ACBD5: variants seen among roughly 807,000 people sequenced by gnomAD.
ACBD5 encodes the protein acyl-CoA-binding domain-containing protein 5.
A neutral mutation model predicts 71.8 loss-of-function variants in ACBD5; 40 were observed. That is an observed-to-expected ratio of 0.56 (90% CI 0.43 to 0.72). The LOEUF (loss-of-function observed/expected upper bound fraction) is 0.72, where lower values mean the gene tolerates loss of function less well. ACBD5 is among the 30% of genes least tolerant of loss of function. The probability of loss-of-function intolerance (pLI) is 0.00; values close to 1 mark genes in which losing one functional copy is unlikely to be tolerated. For synonymous variants in ACBD5, 229 were observed against 218.6 expected (o/e 1.05, Z -0.42); for missense variants, 559 against 644.5 (o/e 0.87, Z 1.44).
At chr10:27,214,599 T>C (rs935160924) in intron 8 of ACBD5, among the ~76,000 whole-genome samples, 1 of 151,886 alleles carries the variant, frequency 6.6e-6, no homozygotes, top group Admixed American at 6.6e-5. Flanking sequence ...TCAGAAAAAG[T>C]TGAGAAAAAG....
chr10:27,196,457 A>G lies in ACBD5; in HGVS notation c.*973T>C, dbSNP rs1426505019. The G allele has an allele frequency of 2.2e-6, 1 of 454,554 alleles. No homozygotes were observed. Among genetic ancestry groups the G allele is most frequent in the Non-Finnish European group, 4.4e-6 (1 of 226,794 alleles). 28.2% of individuals were successfully genotyped at this position (454,554 alleles called of 1,614,324 possible). A position where few individuals can be genotyped will look rare whatever the true frequency, so the allele number is the denominator to read the frequency against. On this transcript the variant is annotated 3_prime_UTR_variant, in exon 13 of 13. Transcript: ENST00000396271. ...TCCAGTACTCCTGTGAAGTAGGTGT[A>G]TCTAAAATAGTATACCCCGAAGGAA...
intron 10 of ACBD5, 100 bp from the exon 11 acceptor site, chr10:27,205,348 T>C: frequency 8.0e-7 from 1 of 1,248,318 alleles, no homozygotes; most frequent in East Asian, 2.5e-5. Context: ...TATTGAGGTT[T>C]TTTTTGGTTG....
rs926529859 is a variant in ACBD5, at chr10:27,189,765, T to TAAAAA, written c.1494-7055_1494-7051dup. Among the ~76,000 whole-genome samples the TAAAAA allele has an allele frequency of 1.8e-3, 128 of 72,266 alleles. 1 individual carries two copies. The highest frequency in any genetic ancestry group is 7.1e-3 in the African/African-American group (118 of 16,532). 47.4% of individuals were successfully genotyped at this position (72,266 alleles called of 152,430 possible). ...ATGTACCCTAGAACTTAAAGTATAA[T>TAAAAA]AAAAATATATATATATATATATAAA... On this transcript the variant is annotated intron_variant, in intron 13 of 13. Coordinates refer to the ACBD5 transcript ENST00000676511.
chr10:27,185,797 A>AG (rs906658004), intron 13 of ACBD5, among the ~76,000 whole-genome samples: 2 of 150,254 alleles, frequency 1.3e-5, no homozygotes, highest in African/African-American at 4.9e-5. Flanking sequence ...AAAAAAAAAA[A>AG]AAGATGTGAG....
chr10:27,236,744 C>T (rs1854340), intron 2 of ACBD5, among the ~76,000 whole-genome samples: 109,799 of 151,748 alleles, frequency 0.72, 39,838 homozygotes, highest in Non-Finnish European at 0.74. Context: ...AAAAATTAGC[C>T]GGGCATGACG....
At chr10:27,226,764 A>C (rs2137836610) in intron 4 of ACBD5, among the ~76,000 whole-genome samples, 1 of 151,708 alleles carries the variant, frequency 6.6e-6, no homozygotes. Context: ...CAATTCTCCT[A>C]CATCAGCTGC....
intron 4 of ACBD5, among the ~76,000 whole-genome samples, chr10:27,226,217 T>C (rs77931314): frequency 0.031 from 4,646 of 152,178 alleles, 74 homozygotes; most frequent in African/African-American, 0.037. Flanking sequence ...GTATACTGTG[T>C]GATGCTGAAG....
chr10:27,197,942 T>C (rs2059523698), intron 12 of ACBD5, among the ~76,000 whole-genome samples: 1 of 152,188 alleles, frequency 6.6e-6, no homozygotes, highest in Non-Finnish European at 1.5e-5. Flanking sequence ...TCCTGGCCAG[T>C]TTTTAATAAA....
intron 12 of ACBD5, among the ~76,000 whole-genome samples, chr10:27,198,815 T>C (rs994706014): frequency 2.0e-5 from 3 of 152,134 alleles, no homozygotes; most frequent in African/African-American, 4.8e-5. Flanking sequence ...TGCAGATTTA[T>C]AGAAGGGCAG....
At chr10:27,188,892 T>G (rs882475) in intron 13 of ACBD5, among the ~76,000 whole-genome samples, 103,723 of 152,034 alleles carry the variant, frequency 0.68, 35,559 homozygotes, top group Non-Finnish European at 0.7. Context: ...AGAAATCCAC[T>G]CATCTTTTGC....
chr10:27,239,556 G>A (rs1349981343), intron 2 of ACBD5, among the ~76,000 whole-genome samples: 1 of 151,940 alleles, frequency 6.6e-6, no homozygotes. Context: ...GTATAAAAAA[G>A]AACATTATAC....
chr10:27,201,948 C>G (rs2136670762), intron 12 of ACBD5, among the ~76,000 whole-genome samples: 1 of 152,264 alleles, frequency 6.6e-6, no homozygotes, highest in East Asian at 1.9e-4. Flanking sequence ...GTCATAGACT[C>G]AACACACATT....
chr10:27,212,303 T>A (rs2061174522), intron 8 of ACBD5, among the ~76,000 whole-genome samples: 1 of 152,142 alleles, frequency 6.6e-6, no homozygotes, highest in East Asian at 1.9e-4. Flanking sequence ...GAGCCCAGAT[T>A]GTGCCACTGC....
intron 12 of ACBD5, among the ~76,000 whole-genome samples, chr10:27,199,990 GAA>G (rs934350055): frequency 1.5e-5 from 2 of 135,180 alleles, no homozygotes; most frequent in Middle Eastern, 3.7e-3. Context: ...CTGTCGCAAA[GAA>G]AAAAAAAAAA....
At chr10:27,214,527 C>T (rs1283487539) in intron 8 of ACBD5, among the ~76,000 whole-genome samples, 1 of 151,750 alleles carries the variant, frequency 6.6e-6, no homozygotes, top group Non-Finnish European at 1.5e-5. Flanking sequence ...ATATATATAC[C>T]TATGTGCCCA....
intron 9 of ACBD5, among the ~76,000 whole-genome samples, chr10:27,209,070 C>T (rs2060783095): frequency 6.6e-6 from 1 of 151,142 alleles, no homozygotes; most frequent in East Asian, 2.0e-4. Flanking sequence ...AATAAGGTAA[C>T]CAGACTGAAA....
intron 3 of ACBD5, among the ~76,000 whole-genome samples, chr10:27,233,984 C>T (rs924128300): frequency 1.3e-5 from 2 of 152,052 alleles, no homozygotes; most frequent in Non-Finnish European, 2.9e-5. Flanking sequence ...GCAGAGGTTG[C>T]GGTGAGCTGA....
Position 27,225,318 on chromosome 10 carries a change from T to C in ACBD5, c.376-1866A>G, listed in dbSNP as rs565701182. On this transcript the variant is annotated intron_variant, in intron 4 of 12. Transcript: ENST00000396271. The stretch of plus-strand genomic sequence containing the variant: ...AATTCTTGTTCAAACAACATGCTTT[T>C]ATTCCTAAACCAAATACAAGATGGA... Among the ~76,000 whole-genome samples the C allele has an allele frequency of 3.3e-5, 5 of 152,288 alleles. No homozygotes were observed. The East Asian group carries it at 7.7e-4, about 24-fold the overall frequency.
intron 4 of ACBD5, among the ~76,000 whole-genome samples, chr10:27,228,828 T>A (rs1161865790): frequency 2.5e-4 from 3 of 12,210 alleles, no homozygotes; most frequent in Non-Finnish European, 9.4e-4. Context: ...TTTTTTTTTT[T>A]TTTTTTTTTT....
Sources: allele counts gnomAD v4.1 joint callset (sites outside exome capture counted in the v4.1 genomes callset), GRCh38; gene constraint gnomAD v4.1.1; transcripts MANE v1.5; gene names NCBI Gene and HGNC (gene_info 2026-07-23, HGNC 2026-07-21).